The following EIF3H variants were observed in gnomAD, a reference collection of about 807,000 sequenced individuals.
The protein encoded by EIF3H is eukaryotic translation initiation factor 3 subunit H.
A neutral mutation model predicts 44.2 loss-of-function variants in EIF3H; 26 were observed. The ratio of observed to expected loss-of-function variants is 0.59; its 90% CI spans 0.43 to 0.82. The LOEUF (loss-of-function observed/expected upper bound fraction) is 0.82. Ranked by LOEUF, EIF3H falls within the 40% of genes least tolerant of loss-of-function variation. The pLI is 0.00. For missense variants in EIF3H, 359 were observed against 432.8 expected (o/e 0.83, Z 1.51); for synonymous variants, 166 against 151.9 (o/e 1.09, Z -0.68).
At chr8:116,671,776 C>A (rs1813760362) in intron 2 of EIF3H, among the ~76,000 whole-genome samples, 1 of 152,224 alleles carries the variant, frequency 6.6e-6, no homozygotes, top group South Asian at 2.1e-4. Flanking sequence ...GAGTTCTCCA[C>A]ACCTTTAAAT....
chr8:116,762,305 C>T (rs370445447), intron 1 of EIF3H, among the ~76,000 whole-genome samples: 2 of 152,078 alleles, frequency 1.3e-5, no homozygotes, highest in African/African-American at 4.8e-5. Context: ...TATTTTTCTT[C>T]TCATGTAAAA....
rs530533438 is a variant in EIF3H, at chr8:116,713,090, C to T, written c.289+12926G>A. ...TTAGTAAGAAATTCAAATATCTTTACGTAAAGTTGTTGTGGGTCAAAAGTA... is the reference window on the plus strand; with the variant it reads ...TTAGTAAGAAATTCAAATATCTTTATGTAAAGTTGTTGTGGGTCAAAAGTA... On this transcript the variant is annotated intron_variant, in intron 2 of 7. Coordinates refer to ENST00000521861, the MANE Select transcript of EIF3H (RefSeq NM_003756.3). Among the ~76,000 whole-genome samples the T allele has an allele frequency of 2.2e-4, 34 of 152,112 alleles. No homozygotes were observed. The South Asian group carries it at 3.5e-3, about 16-fold the overall frequency.
At chr8:116,697,559 A>T (rs575068548) in intron 2 of EIF3H, among the ~76,000 whole-genome samples, 1 of 152,316 alleles carries the variant, frequency 6.6e-6, no homozygotes, top group South Asian at 2.1e-4. Context: ...TATTCCTTAA[A>T]GCCACTATAA....
chr8:116,713,157 G>A (rs754252083), intron 2 of EIF3H, among the ~76,000 whole-genome samples: 1 of 152,124 alleles, frequency 6.6e-6, no homozygotes, highest in African/African-American at 2.4e-5. Flanking sequence ...ACTGGGAACA[G>A]TAATTTAAGG....
At chr8:116,752,856 AAG>A (rs921631973) in intron 1 of EIF3H, among the ~76,000 whole-genome samples, 3 of 150,564 alleles carry the variant, frequency 2.0e-5, no homozygotes, top group East Asian at 2.0e-4. Flanking sequence ...GAAAAGAAAA[AAG>A]AGAGAGAGAA....
At chr8:116,755,600 G>A in intron 1 of EIF3H, 66 bp downstream of exon 1, 3 of 1,602,750 alleles carry the variant, frequency 1.9e-6, no homozygotes, top group East Asian at 2.2e-5. Context: ...TAGAAAGTAC[G>A]TCTGGTGGGA....
intron 2 of EIF3H, among the ~76,000 whole-genome samples, chr8:116,692,205 G>A (rs533468033): frequency 3.9e-4 from 60 of 152,226 alleles, no homozygotes; most frequent in African/African-American, 1.4e-3. Context: ...AACTCTGCAG[G>A]CACTCTGAAA....
upstream of EIF3H, among the ~76,000 whole-genome samples, chr8:116,758,161 G>A (rs932462507): frequency 5.9e-5 from 9 of 152,122 alleles, no homozygotes; most frequent in Non-Finnish European, 1.3e-4. Flanking sequence ...AAAGTAAAAC[G>A]ATGGAAAAAT....
intron 2 of EIF3H, among the ~76,000 whole-genome samples, chr8:116,723,467 A>C (rs1187042367): frequency 1.3e-5 from 2 of 152,232 alleles, no homozygotes; most frequent in East Asian, 3.8e-4. Context: ...GGTTTAAAAA[A>C]ATCCAAGTAT....
chr8:116,700,695 G>A lies in EIF3H; in HGVS notation c.289+25321C>T, dbSNP rs556478346. Among the ~76,000 whole-genome samples the A allele has an allele frequency of 5.3e-5, 8 of 152,286 alleles. No homozygotes were observed. In the South Asian group the frequency reaches 8.3e-4, roughly 16 times the overall value. ...TTTATATAGTTTGATCAGGGAGGCC[G>A]GAAGACATCCATAAGTAAAACTGGC... On this transcript the variant is annotated intron_variant, in intron 2 of 7. Transcript: ENST00000521861.
chr8:116,701,751 T>C (rs1038670223), intron 2 of EIF3H, among the ~76,000 whole-genome samples: 1 of 152,086 alleles, frequency 6.6e-6, no homozygotes, highest in South Asian at 2.1e-4. Context: ...TCTTTAAAAG[T>C]GTCATGGCCA....
chr8:116,672,398 G>A (rs1052102295), intron 2 of EIF3H, among the ~76,000 whole-genome samples: 2 of 152,210 alleles, frequency 1.3e-5, no homozygotes. Context: ...GGCTAAGGCG[G>A]GAGGACTGCT....
intron 2 of EIF3H, chr8:116,697,262 A>G: frequency 2.2e-6 from 1 of 445,970 alleles, no homozygotes; most frequent in Admixed American, 2.5e-5. Context: ...AAGAAACAAA[A>G]AAAGAATAGA....
chr8:116,711,045 TTAAC>T (rs754599192), intron 2 of EIF3H, among the ~76,000 whole-genome samples: 6 of 152,178 alleles, frequency 3.9e-5, no homozygotes, highest in Non-Finnish European at 8.8e-5. Flanking sequence ...AGAAATTTTC[TTAAC>T]TAAGAACTAT....
At chr8:116,721,275 C>T (rs563923579) in intron 2 of EIF3H, among the ~76,000 whole-genome samples, 2 of 152,352 alleles carry the variant, frequency 1.3e-5, no homozygotes, top group Admixed American at 6.5e-5. Flanking sequence ...GCAGCTTCCA[C>T]GTGGTGTTGA....
At chr8:116,702,094 A>T (rs1814386641) in intron 2 of EIF3H, among the ~76,000 whole-genome samples, 1 of 152,200 alleles carries the variant, frequency 6.6e-6, no homozygotes, top group Admixed American at 6.5e-5. Flanking sequence ...GGTCAGCACC[A>T]GGGGTTACGT....
intron 2 of EIF3H, among the ~76,000 whole-genome samples, chr8:116,723,550 C>A (rs1814787356): frequency 1.3e-5 from 2 of 152,198 alleles, no homozygotes; most frequent in African/African-American, 4.8e-5. Flanking sequence ...TGAAAACCTG[C>A]TTTGCAGACA....
At chr8:116,763,449 TAA>T (rs1284956769) in intron 1 of EIF3H, among the ~76,000 whole-genome samples, 1 of 152,214 alleles carries the variant, frequency 6.6e-6, no homozygotes, top group Non-Finnish European at 1.5e-5. Context: ...TTGAAATACA[TAA>T]AGTTTTTGTT....
At chr8:116,727,697 C>G (rs1302266783) in intron 1 of EIF3H, among the ~76,000 whole-genome samples, 2 of 152,152 alleles carry the variant, frequency 1.3e-5, no homozygotes, top group African/African-American at 4.8e-5. Flanking sequence ...GAGTTGCAGT[C>G]CTGCATTTAA....
Sources: gnomAD v4.1 joint callset for allele counts (sites outside exome capture counted in the v4.1 genomes callset) on GRCh38, gnomAD v4.1.1 for gene constraint, MANE v1.5 for transcripts, NCBI Gene and HGNC (gene_info 2026-07-23, HGNC 2026-07-21) for gene names.